LPP: variants seen among roughly 807,000 people sequenced by gnomAD.
LPP encodes the protein LIM domain containing preferred translocation partner in lipoma, also known as lipoma-preferred partner.
Under a neutral mutation model 60.4 loss-of-function variants are expected in LPP, and 38 were observed. That is an observed-to-expected ratio of 0.63 (90% CI 0.49 to 0.83). LPP has a LOEUF of 0.83. Ranked by LOEUF, LPP falls within the 40% of genes least tolerant of loss-of-function variation. LPP has a pLI of 0.00. For missense variants in LPP, 902 were observed against 783.6 expected, an observed-to-expected ratio of 1.15 and a Z score of -1.80; for synonymous variants, 328 against 290.8, an observed-to-expected ratio of 1.13 and a Z score of -1.30.
At chr3:188,433,626 G>GA (rs1318345744) in intron 4 of LPP, among the ~76,000 whole-genome samples, 4 of 131,538 alleles carry the variant, frequency 3.0e-5, no homozygotes. Flanking sequence ...GAGAGAGAGA[G>GA]AGGAGAAAGG....
intron 1 of LPP, among the ~76,000 whole-genome samples, chr3:188,155,135 A>C (rs1199908613): frequency 6.6e-6 from 1 of 152,062 alleles, no homozygotes; most frequent in Non-Finnish European, 1.5e-5. Context: ...GAGATGAGCT[A>C]ATCAGTGGAA....
chr3:188,346,415 A>T (rs1578229366), intron 3 of LPP, among the ~76,000 whole-genome samples: 1 of 146,134 alleles, frequency 6.8e-6, no homozygotes, highest in East Asian at 2.0e-4. Flanking sequence ...GCACACCCCC[A>T]CGCCCAGCTA....
In LPP at chr3:188,169,949, T is replaced by C. The variant is rs13326314; in HGVS notation, c.-190+15697T>C. Reference sequence around the variant, plus strand: ...GAGGGTATGTAACCAGGACAGCCTTTCCTCATGGAGGAGCGCTGGGTCTAG... The same window carrying C: ...GAGGGTATGTAACCAGGACAGCCTTCCCTCATGGAGGAGCGCTGGGTCTAG... On this transcript the variant is annotated intron_variant, in intron 1 of 11. Transcript: ENST00000617246. 4.7e-3 allele frequency among the ~76,000 whole-genome samples: 713 copies of C among 152,300 alleles called. 11 individuals are homozygous for C. Among genetic ancestry groups the C allele is most frequent in the African/African-American group, 0.016 (669 of 41,556 alleles).
chr3:188,641,282 CGA>C lies in LPP; in HGVS notation c.1113+31444_1113+31445del, dbSNP rs754092276. Among the ~76,000 whole-genome samples, 11 of 152,160 alleles carry C rather than the reference CGA, an allele frequency of 7.2e-5. No homozygotes were observed. The East Asian group carries it at 1.2e-3, about 16-fold the overall frequency. Reference sequence around the variant, plus strand: ...AGTACAGTGTGTTCTCCAGCCAGAGCGAGAGAGTGAGAGGAAGAATGTCAGTT... The same window carrying C: ...AGTACAGTGTGTTCTCCAGCCAGAGCGAGAGTGAGAGGAAGAATGTCAGTT... On this transcript the variant is annotated intron_variant, in intron 7 of 11. Coordinates refer to ENST00000617246, the MANE Select transcript of LPP (RefSeq NM_001375462.1).
intron 1 of LPP, among the ~76,000 whole-genome samples, chr3:188,164,629 G>A (rs940015720): frequency 1.3e-5 from 2 of 152,164 alleles, no homozygotes; most frequent in African/African-American, 4.8e-5. Flanking sequence ...GCCCTGGCCA[G>A]GCAGGTAAGT....
intron 1 of LPP, among the ~76,000 whole-genome samples, chr3:188,203,259 T>C (rs185101720): frequency 0.052 from 6,428 of 124,140 alleles, 238 homozygotes; most frequent in Non-Finnish European, 0.078. Context: ...TATAGTATAG[T>C]AAAATATATA....
In LPP at chr3:188,182,178, G is replaced by C. The variant is rs7644774; in HGVS notation, c.-190+27926G>C. Among the ~76,000 whole-genome samples the C allele has an allele frequency of 4.6e-5, 7 of 152,130 alleles. No homozygotes were observed. The highest frequency in any genetic ancestry group is 1.7e-4 in the African/African-American group (7 of 41,408). Reference sequence around the variant, plus strand: ...AATCTGTGTGGAACGATTGCCTTAGGCTGCAAGTTTATCCCTTCACAATGC... The same window carrying C: ...AATCTGTGTGGAACGATTGCCTTAGCCTGCAAGTTTATCCCTTCACAATGC... On this transcript the variant is annotated intron_variant, in intron 1 of 11. Coordinates refer to ENST00000617246, the MANE Select transcript of LPP (RefSeq NM_001375462.1). This position sits in a 1 kb window ranked among gnomAD's most constrained non-coding sequence, Gnocchi z 4.4.
intron 6 of LPP, among the ~76,000 whole-genome samples, chr3:188,600,968 G>GTATA (rs758003689): frequency 2.6e-5 from 4 of 151,410 alleles, no homozygotes; most frequent in Non-Finnish European, 4.4e-5. Flanking sequence ...ATGTGTGTGT[G>GTATA]TATATATATA....
intron 6 of LPP, among the ~76,000 whole-genome samples, chr3:188,590,004 C>T (rs1838324007): frequency 6.6e-6 from 1 of 152,150 alleles, no homozygotes; most frequent in African/African-American, 2.4e-5. Flanking sequence ...GTTTACGTTG[C>T]ACTGCACAGC....
Position 188,482,443 on chromosome 3 carries a change from A to G in LPP, c.194-2149A>G, listed in dbSNP as rs73052756. Among the ~76,000 whole-genome samples the G allele has an allele frequency of 8.8e-3, 1,335 of 152,262 alleles. 20 individuals carry two copies. Among genetic ancestry groups the G allele is most frequent in the African/African-American group, 0.03 (1,228 of 41,554 alleles). On this transcript the variant is annotated intron_variant, in intron 4 of 11. Coordinates refer to ENST00000617246, the MANE Select transcript of LPP (RefSeq NM_001375462.1). ...TAAAGGCAGTAAAAAACTTCTTGAC[A>G]GTTCTTTTTAATTAACAGATATGAA...
At chr3:188,713,594 G>C (rs899699213) in intron 8 of LPP, among the ~76,000 whole-genome samples, 2 of 152,126 alleles carry the variant, frequency 1.3e-5, no homozygotes, top group Admixed American at 1.3e-4. Flanking sequence ...AATATTGATA[G>C]AGTGACAGAA....
intron 2 of LPP, among the ~76,000 whole-genome samples, chr3:188,241,170 G>A (rs183528730): frequency 6.6e-6 from 1 of 152,310 alleles, no homozygotes; most frequent in Admixed American, 6.5e-5. Context: ...CACTCTAGGA[G>A]CAGAAGGTGG....
chr3:188,366,088 A>G (rs1232804206), intron 3 of LPP, among the ~76,000 whole-genome samples: 2 of 152,030 alleles, frequency 1.3e-5, no homozygotes, highest in Non-Finnish European at 2.9e-5. Flanking sequence ...CTCTGCTTCT[A>G]TGTGTTTGAC....
At chr3:188,369,849 G>A (rs1772470733) in intron 3 of LPP, among the ~76,000 whole-genome samples, 1 of 152,176 alleles carries the variant, frequency 6.6e-6, no homozygotes, top group Non-Finnish European at 1.5e-5. Context: ...ACTCAGGTTG[G>A]ATGGAAGGAT....
At chr3:188,672,248 T>C (rs1857097012) in intron 7 of LPP, among the ~76,000 whole-genome samples, 1 of 152,150 alleles carries the variant, frequency 6.6e-6, no homozygotes, top group African/African-American at 2.4e-5. Context: ...ATGCTATTTA[T>C]GGTGAGCTTT....
chr3:188,744,628 G>A (rs1272517161), intron 8 of LPP, among the ~76,000 whole-genome samples: 2 of 152,028 alleles, frequency 1.3e-5, no homozygotes, highest in Admixed American at 1.3e-4. Flanking sequence ...ATAGGAAAAG[G>A]TCAAAAACAT....
intron 7 of LPP, among the ~76,000 whole-genome samples, chr3:188,660,251 A>T (rs149556894): frequency 6.6e-6 from 1 of 152,306 alleles, no homozygotes; most frequent in East Asian, 1.9e-4. Context: ...TTGTTTACCT[A>T]CAATAATTGC....
chr3:188,573,513 G>C (rs755569123), intron 6 of LPP, among the ~76,000 whole-genome samples: 28 of 152,068 alleles, frequency 1.8e-4, no homozygotes, highest in Admixed American at 1.2e-3. Flanking sequence ...GCTTAGCAGA[G>C]GGGCATTGTC....
chr3:188,662,071 C>T (rs969518054), intron 7 of LPP, among the ~76,000 whole-genome samples: 12 of 152,258 alleles, frequency 7.9e-5, no homozygotes, highest in Non-Finnish European at 1.2e-4. Context: ...GAAATGTTGA[C>T]TCAATCCTGT....
Sources: gnomAD v4.1 joint callset for allele counts (sites outside exome capture counted in the v4.1 genomes callset) on GRCh38, gnomAD v4.1.1 for gene constraint, Gnocchi (gnomAD v3.1) non-coding constraint, MANE v1.5 for transcripts, NCBI Gene and HGNC (gene_info 2026-07-23, HGNC 2026-07-21) for gene names.